Variants in TYW1 observed in about 807,000 individuals in gnomAD.
The protein encoded by TYW1 is tRNA-yW synthesizing protein 1 homolog, also known as S-adenosyl-L-methionine-dependent tRNA 4-demethylwyosine synthase TYW1.
Under a neutral mutation model 96.2 loss-of-function variants are expected in TYW1, and 46 were observed. That is an observed-to-expected ratio of 0.48 (90% confidence interval 0.38 to 0.61). The LOEUF (loss-of-function observed/expected upper bound fraction) is 0.61. TYW1 is among the 20% of genes least tolerant of loss of function. The pLI is 0.00. For synonymous variants in TYW1, 274 were observed against 323.0 expected, an observed-to-expected ratio of 0.85 and a Z score of 1.63; for missense variants, 684 against 909.6, an observed-to-expected ratio of 0.75 and a Z score of 3.19.
chr7:67,151,781 A>G (rs1019497062), intron 13 of TYW1, among the ~76,000 whole-genome samples: 1 of 148,430 alleles, frequency 6.7e-6, no homozygotes, highest in African/African-American at 2.5e-5. Flanking sequence ...TTATTGGAAC[A>G]CAGCCATGCT....
At chr7:67,125,572 A>G (rs1352291345) in intron 13 of TYW1, among the ~76,000 whole-genome samples, 1 of 152,132 alleles carries the variant, frequency 6.6e-6, no homozygotes, top group African/African-American at 2.4e-5. Context: ...CGGATCCATC[A>G]TTATCAGCCA....
intron 13 of TYW1, among the ~76,000 whole-genome samples, chr7:67,125,039 G>T (rs569079242): frequency 6.6e-6 from 1 of 151,950 alleles, no homozygotes; most frequent in Non-Finnish European, 1.5e-5. Flanking sequence ...CACCAGTTTG[G>T]TCAGGCTGGT....
At chr7:67,197,002 G>A (rs1005946364) in intron 15 of TYW1, among the ~76,000 whole-genome samples, 11 of 152,192 alleles carry the variant, frequency 7.2e-5, no homozygotes, top group Non-Finnish European at 1.5e-4. Context: ...AGGTGACTTT[G>A]TGCAAGTTCT....
intron 10 of TYW1, among the ~76,000 whole-genome samples, chr7:67,080,840 A>G (rs1388380066): frequency 1.3e-5 from 2 of 149,680 alleles, no homozygotes; most frequent in Non-Finnish European, 3.0e-5. Flanking sequence ...GCCAGTTTAT[A>G]TCTTTTAACA....
intron 7 of TYW1, among the ~76,000 whole-genome samples, chr7:67,037,757 C>G (rs550294642): frequency 1.2e-4 from 18 of 151,758 alleles, no homozygotes; most frequent in African/African-American, 3.4e-4. Flanking sequence ...TGCTTGAGCC[C>G]GGGAATTTGA....
intron 11 of TYW1, chr7:67,089,471 T>C (rs1796648900): frequency 1.6e-5 from 17 of 1,087,952 alleles, no homozygotes; most frequent in Admixed American, 1.2e-4. Context: ...GAGACAGGAA[T>C]GCTCATTAAT....
intron 15 of TYW1, among the ~76,000 whole-genome samples, chr7:67,206,792 A>G (rs908470424): frequency 2.0e-5 from 3 of 152,202 alleles, no homozygotes; most frequent in Non-Finnish European, 4.4e-5. Flanking sequence ...GCAGATATCA[A>G]CTACTCAACA....
intron 13 of TYW1, among the ~76,000 whole-genome samples, chr7:67,118,909 G>T (rs982970340): frequency 7.2e-6 from 1 of 138,762 alleles, no homozygotes; most frequent in Non-Finnish European, 1.6e-5. Context: ...AAAAAAAAAG[G>T]GTCTGCAAAT....
In TYW1 at chr7:67,107,635, T is replaced by C. The variant is rs1050657850; in HGVS notation, c.1562+8917T>C. Among the ~76,000 whole-genome samples the C allele has an allele frequency of 3.3e-5, 5 of 152,112 alleles. 1 individual carries two copies. The highest frequency in any genetic ancestry group is 1.2e-4 in the African/African-American group (5 of 41,422). ...CATTGCGAGTATGTGAGATAAGACA[T>C]GAAACATGGAAGTTTCACCTTTGGC... On this transcript the variant is annotated intron_variant, in intron 12 of 15. Coordinates refer to ENST00000359626, the MANE Select transcript of TYW1 (RefSeq NM_018264.4).
At chr7:67,096,838 C>T (rs1310532538) in intron 11 of TYW1, among the ~76,000 whole-genome samples, 1 of 152,134 alleles carries the variant, frequency 6.6e-6, no homozygotes, top group African/African-American at 2.4e-5. Flanking sequence ...CCGAGTCTTT[C>T]GCATTCTCTG....
At chr7:67,066,033 C>CA (rs1554356615) in intron 9 of TYW1, among the ~76,000 whole-genome samples, 24,198 of 104,120 alleles carry the variant, frequency 0.23, 2,135 homozygotes, top group African/African-American at 0.37. Flanking sequence ...ACACACACAC[C>CA]CACACCCCTA....
chr7:67,207,545 C>T (rs1245917222), intron 15 of TYW1, among the ~76,000 whole-genome samples: 3 of 152,158 alleles, frequency 2.0e-5, no homozygotes, highest in African/African-American at 7.2e-5. Flanking sequence ...TGGTGAAAGT[C>T]ATCCCTATCT....
At chr7:67,187,989 TATTA>T (rs1326544044) in intron 14 of TYW1, among the ~76,000 whole-genome samples, 1 of 152,214 alleles carries the variant, frequency 6.6e-6, no homozygotes, top group Non-Finnish European at 1.5e-5. Context: ...ATTGTTGTCT[TATTA>T]ATTAAAGTTA....
chr7:67,045,108 A>G (rs1018033472), intron 7 of TYW1, among the ~76,000 whole-genome samples: 2 of 152,148 alleles, frequency 1.3e-5, no homozygotes, highest in African/African-American at 4.8e-5. Flanking sequence ...TCAGCAAATC[A>G]GGTTTTGGCC....
chr7:67,209,831 C>T (rs910660467), intron 15 of TYW1, among the ~76,000 whole-genome samples: 1 of 152,234 alleles, frequency 6.6e-6, no homozygotes, highest in East Asian at 1.9e-4. Flanking sequence ...CTTGGCCTCT[C>T]AAATTGCTGG....
At chr7:67,073,898 C>T (rs1190900167) in intron 10 of TYW1, among the ~76,000 whole-genome samples, 5 of 148,780 alleles carry the variant, frequency 3.4e-5, no homozygotes, top group African/African-American at 4.9e-5. Context: ...CTGGCTAACA[C>T]GGTGAAACTC....
At chr7:67,151,442 CT>C (rs768033864) in intron 13 of TYW1, among the ~76,000 whole-genome samples, 13 of 152,126 alleles carry the variant, frequency 8.5e-5, no homozygotes, top group Non-Finnish European at 1.3e-4. Flanking sequence ...GAACCTTCTA[CT>C]GCTCTGCCTT....
chr7:67,159,267 C>T (rs1367090895), intron 13 of TYW1, among the ~76,000 whole-genome samples: 2 of 152,142 alleles, frequency 1.3e-5, no homozygotes, highest in Non-Finnish European at 2.9e-5. Context: ...TTTATGTACA[C>T]CTTTGCACAT....
intron 7 of TYW1, among the ~76,000 whole-genome samples, chr7:67,033,457 G>C (rs947400250): frequency 6.6e-6 from 1 of 152,200 alleles, no homozygotes; most frequent in Non-Finnish European, 1.5e-5. Context: ...GGCGGCAGCC[G>C]TACGTCAATC....
Sources: gnomAD v4.1 joint callset for allele counts (sites outside exome capture counted in the v4.1 genomes callset) on GRCh38, gnomAD v4.1.1 for gene constraint, MANE v1.5 for transcripts, NCBI Gene and HGNC (gene_info 2026-07-23, HGNC 2026-07-21) for gene names.